ANO1: variants seen among roughly 807,000 people sequenced by gnomAD.
ANO1 encodes anoctamin 1.
Under a neutral mutation model 124.0 loss-of-function variants are expected in ANO1, and 59 were observed. The ratio of observed to expected loss-of-function variants is 0.48; its 90% CI spans 0.39 to 0.59. The LOEUF (loss-of-function observed/expected upper bound fraction) is 0.59, where lower values mean the gene tolerates loss of function less well. ANO1 is among the 20% of genes least tolerant of loss of function. The probability of loss-of-function intolerance (pLI) is 0.00; values close to 1 mark genes in which losing one functional copy is unlikely to be tolerated. For missense variants in ANO1, 1,059 were observed against 1,328.0 expected (o/e 0.80, Z 3.15); for synonymous variants, 529 against 532.0 (o/e 0.99, Z 0.08).
At chr11:70,125,531 A>C (rs1349342600) in intron 9 of ANO1, among the ~76,000 whole-genome samples, 1 of 148,944 alleles carries the variant, frequency 6.7e-6, no homozygotes, top group Non-Finnish European at 1.5e-5. Context: ...AAAAAAAAAA[A>C]GAAAGAAAGG....
chr11:70,161,412 T>A, intron 17 of ANO1, 50 bp downstream of exon 17: 1 of 1,580,108 alleles, frequency 6.3e-7, no homozygotes, highest in East Asian at 2.2e-5. Flanking sequence ...GCAGCTGGAG[T>A]CGCCTGCCTC....
intron 1 of ANO1, among the ~76,000 whole-genome samples, chr11:70,026,353 G>C: frequency 6.7e-6 from 1 of 149,380 alleles, no homozygotes; most frequent in East Asian, 2.0e-4. Context: ...TGGTGGTGAC[G>C]GTGATGGTGG....
In ANO1 at chr11:70,049,383, C is replaced by T. The variant is rs118127969; in HGVS notation, c.59-29159C>T. Among the ~76,000 whole-genome samples, 122 of 152,344 alleles carry T rather than the reference C, an allele frequency of 8.0e-4. 2 individuals are homozygous for T. In the East Asian group the frequency reaches 0.015, roughly 19 times the overall value. On this transcript the variant is annotated intron_variant, in intron 1 of 27. Coordinates refer to the ANO1 transcript ENST00000531349. ...CTTTGCCTCTCTATGCCTTGGTTTC[C>T]TCATCTGTCAAACGGGGATATGATT...
At chr11:70,152,140 T>C (rs1306218446) in intron 12 of ANO1, among the ~76,000 whole-genome samples, 5 of 151,958 alleles carry the variant, frequency 3.3e-5, no homozygotes, top group South Asian at 4.1e-4. Context: ...ATCAAGACCA[T>C]CCTGGCTAAC....
chr11:70,052,537 T>TTTC (rs1857367163), intron 1 of ANO1, among the ~76,000 whole-genome samples: 56 of 52,886 alleles, frequency 1.1e-3, no homozygotes, highest in Middle Eastern at 7.4e-3. Context: ...TTTTCTTTTT[T>TTTC]TTTTTTTTTT....
At chr11:69,983,033 G>A (rs75480532), upstream of ANO1, among the ~76,000 whole-genome samples, 4,113 of 152,224 alleles carry the variant, frequency 0.027, 113 homozygotes, top group African/African-American at 0.065. Context: ...AGAGGGAGGC[G>A]TGATTGCAGG....
In ANO1 at chr11:70,080,120, C is replaced by T. The variant is rs548117685; in HGVS notation, c.108+1406C>T. On this transcript the variant is annotated intron_variant, in intron 1 of 25. Coordinates refer to ENST00000355303, the MANE Select transcript of ANO1 (RefSeq NM_018043.7). The stretch of plus-strand genomic sequence containing the variant: ...GCTTACTTAAGAAATGGTGATGGAA[C>T]GTTACCCGTTATCCACGGCAGTGAC... Among the ~76,000 whole-genome samples, 9 of 152,352 alleles carry T rather than the reference C, an allele frequency of 5.9e-5. No individual in the cohort carries two copies. In the East Asian group the frequency reaches 7.7e-4, roughly 13 times the overall value.
chr11:70,054,294 C>A (rs1857399743), intron 1 of ANO1, among the ~76,000 whole-genome samples: 6 of 152,234 alleles, frequency 3.9e-5, no homozygotes, highest in Admixed American at 3.9e-4. Flanking sequence ...TGCAAGTCAT[C>A]CCCACTGGGT....
upstream of ANO1, among the ~76,000 whole-genome samples, chr11:69,982,031 G>T (rs1232366759): frequency 3.3e-5 from 5 of 152,122 alleles, no homozygotes; most frequent in South Asian, 2.1e-4. Context: ...ACTGGGGGAG[G>T]GGGGAGATGG....
rs1326482481 is a variant in ANO1 at position 70,087,931 on chromosome 11, G to A, written c.288G>A (p.Lys96=). Residue 96 remains lysine, a synonymous_variant, in exon 2 of 26, where the codon AAG becomes AAA. Coordinates refer to ENST00000355303, the MANE Select transcript of ANO1 (RefSeq NM_018043.7). Reference sequence around the variant, plus strand: ...CCCCCTCTGGGGCTCGCAGCGTCAAGCAGGACCACCCCCTGCCGGGCAAGG... The same window carrying A: ...CCCCCTCTGGGGCTCGCAGCGTCAAACAGGACCACCCCCTGCCGGGCAAGG... ...SDTPSGARSV[K]QDHPLPGKGA... is the part of the protein sequence containing the mutation. 1 of 1,607,498 alleles carries A rather than the reference G, an allele frequency of 6.2e-7. No individual in the cohort carries two copies. The highest frequency in any genetic ancestry group is 1.7e-5 in the Admixed American group (1 of 59,286).
rs375017329 is a variant in ANO1, at chr11:70,182,639, G to A, written c.2541G>A (p.Thr847=). 1.7e-5 allele frequency: 27 copies of A among 1,611,956 alleles called. No individual in the cohort carries two copies. The highest frequency in any genetic ancestry group is 4.0e-5 in the African/African-American group (3 of 74,844). The change falls in exon 24 of 26, where the codon ACG becomes ACA. Residue 847 remains threonine (T), a synonymous_variant. Coordinates refer to ENST00000355303, the MANE Select transcript of ANO1 (RefSeq NM_018043.7). ...SFNVSDFQNG[T]APNDPLDLGY... ...ACGTCAGTGACTTCCAGAACGGCAC[G>A]GCCCCCAATGACCCCCTGGACCTGG...
intron 1 of ANO1, among the ~76,000 whole-genome samples, chr11:70,022,138 G>A (rs2135001441): frequency 6.6e-6 from 1 of 152,242 alleles, no homozygotes; most frequent in East Asian, 1.9e-4. Flanking sequence ...CCCATGGAAG[G>A]CCCAACTCAC....
intron 19 of ANO1, among the ~76,000 whole-genome samples, chr11:70,164,898 A>C (rs976067626): frequency 4.6e-5 from 7 of 152,102 alleles, no homozygotes; most frequent in Admixed American, 3.9e-4. Flanking sequence ...ACTCCCTCCC[A>C]GTGCGCTCCC....
the ANO1 span, among the ~76,000 whole-genome samples, chr11:69,980,124 A>G: frequency 6.6e-6 from 1 of 152,340 alleles, no homozygotes; most frequent in East Asian, 1.9e-4. Context: ...AGGCTACAAC[A>G]TGGGTGAACC....
chr11:70,085,688 C>A, intron 1 of ANO1: 1 of 1,463,210 alleles, frequency 6.8e-7, no homozygotes, highest in Non-Finnish European at 9.0e-7. Flanking sequence ...AGCCCCCAAC[C>A]AGCAGCCCTG....
At chr11:70,057,463 G>A (rs1004475306) in intron 1 of ANO1, among the ~76,000 whole-genome samples, 13 of 143,356 alleles carry the variant, frequency 9.1e-5, no homozygotes, top group African/African-American at 3.3e-4. Flanking sequence ...TGTGTGATGT[G>A]TGAGCAATAA....
chr11:69,980,348 G>A, the ANO1 span, among the ~76,000 whole-genome samples: 1 of 152,170 alleles, frequency 6.6e-6, no homozygotes, highest in Non-Finnish European at 1.5e-5. Context: ...TAGGGGCCAG[G>A]CATGGTGGCT....
At chr11:70,181,928 A>G (rs1269398761) in intron 23 of ANO1, among the ~76,000 whole-genome samples, 2 of 152,228 alleles carry the variant, frequency 1.3e-5, no homozygotes, top group Non-Finnish European at 2.9e-5. Flanking sequence ...CAGGTAAGAC[A>G]CCAGAGGCAC....
intron 1 of ANO1, among the ~76,000 whole-genome samples, chr11:70,049,716 G>GT (rs782219467): frequency 5.9e-5 from 8 of 136,686 alleles, no homozygotes; most frequent in Non-Finnish European, 6.4e-5. Context: ...TTGTTTGTTT[G>GT]TTTGTTTTGT....
Sources: allele counts gnomAD v4.1 joint callset (sites outside exome capture counted in the v4.1 genomes callset), GRCh38; gene constraint gnomAD v4.1.1; transcripts MANE v1.5; gene names NCBI Gene and HGNC (gene_info 2026-07-23, HGNC 2026-07-21).